Variants in FTO observed in about 807,000 individuals in gnomAD.
FTO encodes FTO alpha-ketoglutarate dependent dioxygenase.
Under a neutral mutation model 63.9 loss-of-function variants are expected in FTO, and 47 were observed. The ratio of observed to expected loss-of-function variants is 0.74; its 90% CI spans 0.58 to 0.94. FTO has a LOEUF of 0.94. Among genes scored for constraint, FTO ranks in the 40% least tolerant of loss-of-function variants. FTO has a pLI of 0.00. For synonymous variants in FTO, 207 were observed against 224.4 expected, an observed-to-expected ratio of 0.92 and a Z score of 0.69; for missense variants, 562 against 618.1, an observed-to-expected ratio of 0.91 and a Z score of 0.96.
chr16:53,977,939 G>T (rs775061326), intron 8 of FTO, among the ~76,000 whole-genome samples: 2 of 152,102 alleles, frequency 1.3e-5, no homozygotes, highest in African/African-American at 2.4e-5. Context: ...GCTCACTGCA[G>T]CCTCAAACTC....
chr16:53,928,425 A>G (rs2082199915), intron 7 of FTO, among the ~76,000 whole-genome samples: 1 of 152,196 alleles, frequency 6.6e-6, no homozygotes, highest in Non-Finnish European at 1.5e-5. Context: ...TGGTCTATAA[A>G]CATTTCCTGG....
chr16:54,064,914 T>C (rs1408729101), intron 8 of FTO, among the ~76,000 whole-genome samples: 1 of 151,962 alleles, frequency 6.6e-6, no homozygotes, highest in Non-Finnish European at 1.5e-5. Flanking sequence ...TGCGGCTTCT[T>C]GGGGCCTTGG....
At chr16:53,952,184 G>A (rs549356348) in intron 8 of FTO, among the ~76,000 whole-genome samples, 1 of 152,250 alleles carries the variant, frequency 6.6e-6, no homozygotes, top group Admixed American at 6.5e-5. Flanking sequence ...AGAGAGGTTA[G>A]GGAATTTACT....
Position 53,727,790 on chromosome 16 carries a change from C to T in FTO, c.45+23561C>T, listed in dbSNP as rs1262761902. Among the ~76,000 whole-genome samples the T allele has an allele frequency of 3.3e-5, 5 of 152,260 alleles. No homozygotes were observed. The East Asian group carries it at 9.6e-4, about 29-fold the overall frequency. On this transcript the variant is annotated intron_variant, in intron 1 of 8. Coordinates refer to ENST00000471389, the MANE Select transcript of FTO (RefSeq NM_001080432.3). ...ACTGAACCCCTTAGTCTCAGTTCTTCATATGGAAAAATAGAGATACTAATA... is the reference window on the plus strand; with the variant it reads ...ACTGAACCCCTTAGTCTCAGTTCTTTATATGGAAAAATAGAGATACTAATA...
chr16:53,711,117 A>T (rs757286759), intron 1 of FTO, among the ~76,000 whole-genome samples: 1 of 152,036 alleles, frequency 6.6e-6, no homozygotes, highest in Non-Finnish European at 1.5e-5. Context: ...CATCACCACC[A>T]CCTTCACTAC....
chr16:53,878,835 G>A (rs2080741657), intron 5 of FTO, among the ~76,000 whole-genome samples: 1 of 152,208 alleles, frequency 6.6e-6, no homozygotes, highest in Admixed American at 6.5e-5. Flanking sequence ...AGTTATCTGT[G>A]TCCTTGCTGA....
intron 8 of FTO, among the ~76,000 whole-genome samples, chr16:53,943,241 A>G (rs2082574990): frequency 6.6e-6 from 1 of 152,196 alleles, no homozygotes; most frequent in South Asian, 2.1e-4. Flanking sequence ...TTTTCCCCCA[A>G]GATACAGCAA....
At chr16:53,913,676 G>T (rs2081776836) in intron 7 of FTO, among the ~76,000 whole-genome samples, 1 of 152,084 alleles carries the variant, frequency 6.6e-6, no homozygotes, top group South Asian at 2.1e-4. Context: ...GCCATGGTTT[G>T]TTCATTTAAA....
At chr16:53,997,881 G>A (rs193105476) in intron 8 of FTO, among the ~76,000 whole-genome samples, 261 of 152,266 alleles carry the variant, frequency 1.7e-3, no homozygotes, top group African/African-American at 6.0e-3. Flanking sequence ...AAAGCAGGAG[G>A]TGACTTCCAC....
At chr16:53,851,841 A>G (rs1356713313) in intron 4 of FTO, among the ~76,000 whole-genome samples, 1 of 152,114 alleles carries the variant, frequency 6.6e-6, no homozygotes, top group Non-Finnish European at 1.5e-5. Flanking sequence ...AGGAAGATCT[A>G]AAATGGAAAG....
chr16:53,804,867 G>A (rs898123173), intron 1 of FTO, among the ~76,000 whole-genome samples: 1 of 151,912 alleles, frequency 6.6e-6, no homozygotes, highest in Non-Finnish European at 1.5e-5. Flanking sequence ...CGTCTTCCTT[G>A]GCCTCCCATA....
intron 8 of FTO, among the ~76,000 whole-genome samples, chr16:54,017,284 T>A (rs2084473294): frequency 6.6e-6 from 1 of 152,164 alleles, no homozygotes; most frequent in Non-Finnish European, 1.5e-5. Flanking sequence ...ATTGAACCAA[T>A]TAGTCTAAAG....
intron 7 of FTO, among the ~76,000 whole-genome samples, chr16:53,926,082 T>C (rs938109325): frequency 6.6e-6 from 1 of 152,146 alleles, no homozygotes; most frequent in African/African-American, 2.4e-5. Flanking sequence ...GAATCCAAAC[T>C]AGTTTTCTCT....
At chr16:54,007,644 A>G (rs2084241469) in intron 8 of FTO, among the ~76,000 whole-genome samples, 1 of 152,236 alleles carries the variant, frequency 6.6e-6, no homozygotes, top group Non-Finnish European at 1.5e-5. Context: ...GGCAACAGAG[A>G]CATGGCCCCA....
chr16:53,838,377 C>T (rs543781771), intron 3 of FTO, among the ~76,000 whole-genome samples: 1 of 152,270 alleles, frequency 6.6e-6, no homozygotes, highest in East Asian at 2.0e-4. Context: ...GTGGCACTAT[C>T]TTGGCTTACT....
At chr16:53,913,468 G>A (rs540550578) in intron 7 of FTO, among the ~76,000 whole-genome samples, 1 of 152,302 alleles carries the variant, frequency 6.6e-6, no homozygotes, top group South Asian at 2.1e-4. Context: ...TGTAAATCTT[G>A]CAAACCATGT....
intron 1 of FTO, among the ~76,000 whole-genome samples, chr16:53,709,039 T>C (rs1044244671): frequency 1.3e-5 from 2 of 152,258 alleles, no homozygotes; most frequent in Admixed American, 6.5e-5. Flanking sequence ...GCTTTTTGTG[T>C]CATATCTATG....
In FTO at chr16:54,064,267, C is replaced by T. The variant is rs889515598; in HGVS notation, c.1365-47495C>T. On this transcript the variant is annotated intron_variant, in intron 8 of 8. Transcript: ENST00000471389. ...TTCTATGTAGGCAAGCCCTTGCAAC[C>T]AGATATTTCTTTCCAAAGCCCTGGG... Among the ~76,000 whole-genome samples the T allele has an allele frequency of 1.1e-4, 17 of 152,270 alleles. No individual in the cohort carries two copies. In the East Asian group the frequency reaches 3.3e-3, roughly 29 times the overall value.
At chr16:53,708,519 T>C (rs1257502761) in intron 1 of FTO, among the ~76,000 whole-genome samples, 1 of 152,250 alleles carries the variant, frequency 6.6e-6, no homozygotes, top group African/African-American at 2.4e-5. Flanking sequence ...CGTGTTTTCA[T>C]TCCTCTTTGG....
Sources: allele counts gnomAD v4.1 joint callset (sites outside exome capture counted in the v4.1 genomes callset), GRCh38; gene constraint gnomAD v4.1.1; transcripts MANE v1.5; gene names NCBI Gene and HGNC (gene_info 2026-07-23, HGNC 2026-07-21).